The following HPSE2 variants were observed in gnomAD, a reference collection of about 807,000 sequenced individuals.
HPSE2 encodes inactive heparanase-2.
HPSE2 carries 38 observed loss-of-function variants against 60.5 expected under a neutral mutation model. The observed-to-expected ratio is 0.63, with a 90% confidence interval of 0.48 to 0.82. The LOEUF (loss-of-function observed/expected upper bound fraction) is 0.82. Among genes scored for constraint, HPSE2 ranks in the 40% least tolerant of loss-of-function variants. HPSE2 has a pLI of 0.00. For synonymous variants in HPSE2, 295 were observed against 293.2 expected (o/e 1.01, Z -0.06); for missense variants, 713 against 740.4 (o/e 0.96, Z 0.43).
At chr10:98,831,719 T>G (rs920342476) in intron 3 of HPSE2, among the ~76,000 whole-genome samples, 1 of 152,168 alleles carries the variant, frequency 6.6e-6, no homozygotes, top group African/African-American at 2.4e-5. Flanking sequence ...GTCTAATAAT[T>G]GTGAGCCAGG....
intron 4 of HPSE2, among the ~76,000 whole-genome samples, chr10:98,727,413 G>A (rs907661420): frequency 2.0e-5 from 3 of 152,158 alleles, no homozygotes; most frequent in African/African-American, 7.2e-5. Flanking sequence ...CACTTTGGGA[G>A]GCCAAGGCAG....
At chr10:98,659,528 C>T (rs534727) in intron 6 of HPSE2, among the ~76,000 whole-genome samples, 2,444 of 152,220 alleles carry the variant, frequency 0.016, 19 homozygotes, top group Middle Eastern at 0.024. Flanking sequence ...GAATAACATT[C>T]GATGGTATTG....
chr10:98,693,316 A>G (rs1163852957), intron 6 of HPSE2, among the ~76,000 whole-genome samples: 1 of 152,220 alleles, frequency 6.6e-6, no homozygotes, highest in Non-Finnish European at 1.5e-5. Flanking sequence ...TATTTATCAG[A>G]TAATTGTATT....
At chr10:99,139,050 T>A (rs1012539083) in intron 3 of HPSE2, among the ~76,000 whole-genome samples, 20 of 152,086 alleles carry the variant, frequency 1.3e-4, no homozygotes, top group African/African-American at 4.6e-4. Context: ...GGCCCATCAA[T>A]CAATAAGTGG....
chr10:98,695,088 T>G (rs1346896851), intron 5 of HPSE2, among the ~76,000 whole-genome samples: 1 of 152,188 alleles, frequency 6.6e-6, no homozygotes, highest in African/African-American at 2.4e-5. Context: ...AGGCTCTGAT[T>G]TGCTGTGACA....
chr10:98,797,635 C>T (rs956267126), intron 3 of HPSE2, among the ~76,000 whole-genome samples: 6 of 151,708 alleles, frequency 4.0e-5, no homozygotes, highest in Non-Finnish European at 5.9e-5. Context: ...CGAGATCAGG[C>T]GATCAAGACC....
At chr10:99,123,874 G>A (rs537706798) in intron 3 of HPSE2, among the ~76,000 whole-genome samples, 5 of 151,954 alleles carry the variant, frequency 3.3e-5, no homozygotes, top group South Asian at 2.1e-4. Flanking sequence ...CAGGCAGGTC[G>A]TCCTGACAAT....
chr10:99,232,348 C>A lies in HPSE2; in HGVS notation c.448G>T (p.Asp150Tyr). 3.2e-6 allele frequency: 5 copies of A among 1,551,606 alleles called. No individual in the cohort carries two copies. Among genetic ancestry groups the A allele is most frequent in the Non-Finnish European group, 4.4e-6 (5 of 1,146,988 alleles). ...AAAGAATGGTAATCAAGTTTCTCACCATCCTCATAGTTTTTGAGATAGTAA... is the reference window on the plus strand; with the variant it reads ...AAAGAATGGTAATCAAGTTTCTCACAATCCTCATAGTTTTTGAGATAGTAA... ...PDYYLKNYED[D>Y]IVRSDVALDK... Residue 150 changes from aspartate to tyrosine, a missense_variant and splice_region_variant, in exon 2 of 12, where the codon GAC becomes TAC. Coordinates refer to ENST00000370552, the MANE Select transcript of HPSE2 (RefSeq NM_021828.5).
At chr10:98,916,720 A>G (rs1954128344) in intron 3 of HPSE2, among the ~76,000 whole-genome samples, 1 of 152,250 alleles carries the variant, frequency 6.6e-6, no homozygotes, top group South Asian at 2.1e-4. Context: ...TTCAACATAA[A>G]TAGAAATATT....
chr10:99,123,708 G>A (rs980204493), intron 3 of HPSE2, among the ~76,000 whole-genome samples: 1 of 152,206 alleles, frequency 6.6e-6, no homozygotes, highest in African/African-American at 2.4e-5. Context: ...GGAGATCCAA[G>A]GTGGGTAGCT....
intron 6 of HPSE2, among the ~76,000 whole-genome samples, chr10:98,650,977 C>A (rs1177540661): frequency 6.6e-6 from 1 of 152,166 alleles, no homozygotes; most frequent in African/African-American, 2.4e-5. Context: ...TTCTTATGTC[C>A]AGACAACCCA....
chr10:98,919,839 T>C (rs1954230815), intron 3 of HPSE2, among the ~76,000 whole-genome samples: 1 of 152,212 alleles, frequency 6.6e-6, no homozygotes, highest in Non-Finnish European at 1.5e-5. Context: ...GATGCTTTGA[T>C]ACTACAGTAT....
intron 3 of HPSE2, among the ~76,000 whole-genome samples, chr10:99,072,212 G>A (rs181611312): frequency 7.9e-5 from 12 of 152,062 alleles, no homozygotes; most frequent in East Asian, 1.9e-4. Context: ...AAAAATCTAC[G>A]CAATACCATT....
chr10:99,195,689 A>G (rs1460413081), intron 2 of HPSE2, among the ~76,000 whole-genome samples: 1 of 152,112 alleles, frequency 6.6e-6, no homozygotes, highest in African/African-American at 2.4e-5. Flanking sequence ...ACTATAAAAC[A>G]TTGATGAAAG....
At chr10:99,036,643 A>C (rs1957616062) in intron 3 of HPSE2, among the ~76,000 whole-genome samples, 1 of 152,216 alleles carries the variant, frequency 6.6e-6, no homozygotes, top group African/African-American at 2.4e-5. Context: ...AATGAAAATC[A>C]GCATTAGAAC....
In HPSE2 at chr10:98,492,094, A is replaced by G. The variant is rs529060393; in HGVS notation, c.1321-1898T>C. ...CCCCTGTTTTTATTTAGGTAATTTGAAAAAGCTAAACAGGCTTTCTCTCAA... is the reference window on the plus strand; with the variant it reads ...CCCCTGTTTTTATTTAGGTAATTTGGAAAAGCTAAACAGGCTTTCTCTCAA... On this transcript the variant is annotated intron_variant, in intron 9 of 11. Transcript: ENST00000370552. 1.5e-3 allele frequency among the ~76,000 whole-genome samples: 233 copies of G among 152,366 alleles called. 1 individual carries two copies. The highest frequency in any genetic ancestry group is 5.4e-3 in the African/African-American group (226 of 41,582).
At chr10:98,825,536 T>C (rs1951522695) in intron 3 of HPSE2, among the ~76,000 whole-genome samples, 1 of 150,152 alleles carries the variant, frequency 6.7e-6, no homozygotes, top group South Asian at 2.1e-4. Flanking sequence ...CTTTTCCTCC[T>C]TTGCTAACAA....
At chr10:99,119,077 AAGAG>A (rs1392906462) in intron 3 of HPSE2, among the ~76,000 whole-genome samples, 2 of 120,716 alleles carry the variant, frequency 1.7e-5, no homozygotes, top group Non-Finnish European at 3.5e-5. Context: ...GAAAGAAAGA[AAGAG>A]AAAGAAAGAG....
At chr10:98,721,464 A>G (rs925244218) in intron 5 of HPSE2, among the ~76,000 whole-genome samples, 193 bp downstream of exon 5, 2 of 152,036 alleles carry the variant, frequency 1.3e-5, no homozygotes, top group African/African-American at 2.4e-5. Context: ...CCTGTTGACT[A>G]TGGAAGGCCT....
Sources: allele counts gnomAD v4.1 joint callset (sites outside exome capture counted in the v4.1 genomes callset), GRCh38; gene constraint gnomAD v4.1.1; transcripts MANE v1.5; gene names NCBI Gene and HGNC (gene_info 2026-07-23, HGNC 2026-07-21).